The following CELA1 variants were observed in gnomAD, a reference collection of about 807,000 sequenced individuals.
The protein encoded by CELA1 is chymotrypsin like elastase 1.
CELA1 carries 28 observed loss-of-function variants against 34.8 expected under a neutral mutation model. The ratio of observed to expected loss-of-function variants is 0.80; its 90% confidence interval spans 0.60 to 1.10. The LOEUF (loss-of-function observed/expected upper bound fraction) is 1.10, where lower values mean the gene tolerates loss of function less well. Among genes scored for constraint, CELA1 ranks in the 50% least tolerant of loss-of-function variants. The pLI is 0.00. For missense variants in CELA1, 288 were observed against 327.5 expected, an observed-to-expected ratio of 0.88 and a Z score of 0.93; for synonymous variants, 140 against 129.8, an observed-to-expected ratio of 1.08 and a Z score of -0.53.
chr12:51,345,647 G>C (rs1946561130), intron 2 of CELA1, 148 bp downstream of exon 2: 1 of 711,456 alleles, frequency 1.4e-6, no homozygotes. Context: ...AACCACCTAA[G>C]CCTGATCCCA....
At chr12:51,342,857 C>G (rs905726316) in intron 3 of CELA1, among the ~76,000 whole-genome samples, 157 bp from the exon 4 acceptor site, 1 of 149,648 alleles carries the variant, frequency 6.7e-6, no homozygotes, top group African/African-American at 2.5e-5. Flanking sequence ...GTTGCCCAGG[C>G]TGGCTTCAAA....
intron 6 of CELA1, among the ~76,000 whole-genome samples, chr12:51,330,428 C>T (rs879841495): frequency 7.2e-5 from 11 of 152,106 alleles, no homozygotes; most frequent in Admixed American, 7.2e-4. Flanking sequence ...AATGCCAGGT[C>T]CATAATGCCA....
intron 4 of CELA1, 35 bp downstream of exon 4, chr12:51,342,540 C>A: frequency 1.2e-6 from 2 of 1,613,682 alleles, no homozygotes; most frequent in South Asian, 1.1e-5. Flanking sequence ...CAGGCCTCAC[C>A]GCCCAGCCCA....
intron 3 of CELA1, 148 bp from the exon 4 acceptor site, chr12:51,342,848 T>G: frequency 1.2e-6 from 1 of 868,812 alleles, no homozygotes; most frequent in Non-Finnish European, 1.7e-6. Flanking sequence ...TTTTGCTGTG[T>G]TGCCCAGGCT....
chr12:51,332,092 G>T (rs1946473358), intron 6 of CELA1, among the ~76,000 whole-genome samples: 1 of 151,870 alleles, frequency 6.6e-6, no homozygotes. Flanking sequence ...GATTGAGGTG[G>T]GAGGATTTCT....
In CELA1 at chr12:51,343,837, C is replaced by T. The variant is rs952965203; in HGVS notation, c.116G>A (p.Arg39Gln). The T allele has an allele frequency of 2.8e-5, 45 of 1,597,642 alleles. No homozygotes were observed. The highest frequency in any genetic ancestry group is 1.0e-4 in the Admixed American group (6 of 59,656). The change falls in exon 3 of 8, where the codon CGG becomes CAG. Residue 39 changes from arginine (R) to glutamine (Q), a missense_variant. Arg to Gln is a conservative substitution (Grantham distance 43). Transcript: ENST00000293636. ...SWPSQISLQY[R>Q]SGGSRYHTCG... ...GGTGTGATACCGGGAACCTCCAGAC[C>T]GGTACTGGAGGGAAATCTAGATGGG...
At chr12:51,341,096 G>T (rs1267863760) in intron 5 of CELA1, 148 bp downstream of exon 5, 4 of 722,258 alleles carry the variant, frequency 5.5e-6, no homozygotes, top group Non-Finnish European at 9.3e-6. Flanking sequence ...TTCTTAGCTT[G>T]ATATAATGCA....
rs1338625288 is a variant in CELA1, at chr12:51,339,993, A to G, written c.476T>C (p.Leu159Pro). 1.9e-6 allele frequency: 3 copies of G among 1,613,370 alleles called. No individual in the cohort carries two copies. The South Asian group carries it at 3.3e-5, about 18-fold the overall frequency. The change falls in exon 6 of 8, where the codon CTG (leucine) becomes CCG (proline). Residue 159 changes from leucine to proline, a missense_variant. Coordinates refer to ENST00000293636, the MANE Select transcript of CELA1 (RefSeq NM_001971.6). The part of the protein sequence containing the change: ...GWGKTKTNGQ[L>P]AQTLQQAYLP... ...GTAAGCCTGCTGCAGGGTCTGGGCC[A>G]GCTGCCCATTGGCTGAACAGGACAC...
chr12:51,330,114 CA>C (rs1423803566), intron 6 of CELA1, among the ~76,000 whole-genome samples: 3 of 152,170 alleles, frequency 2.0e-5, no homozygotes, highest in African/African-American at 7.2e-5. Flanking sequence ...CTTCCTGAGA[CA>C]AAAACTCTTA....
intron 7 of CELA1, among the ~76,000 whole-genome samples, chr12:51,329,176 C>T (rs1289069601): frequency 6.6e-6 from 1 of 151,300 alleles, no homozygotes; most frequent in African/African-American, 2.4e-5. Flanking sequence ...ATCACTTGAA[C>T]CCAGGAGGCA....
At chr12:51,342,457 G>A (rs973202008) in intron 4 of CELA1, 118 bp downstream of exon 4, 48 of 1,436,478 alleles carry the variant, frequency 3.3e-5, no homozygotes, top group Non-Finnish European at 4.1e-5. Flanking sequence ...AGGAGCCACG[G>A]ACCAGGTTTC....
intron 6 of CELA1, among the ~76,000 whole-genome samples, chr12:51,336,810 C>T (rs1202648417): frequency 1.3e-5 from 2 of 152,172 alleles, no homozygotes; most frequent in Non-Finnish European, 2.9e-5. Flanking sequence ...GCTGTTGTTC[C>T]AGATCCTCCT....
chr12:51,342,726 G>A (rs916994231), intron 3 of CELA1, 26 bp from the exon 4 acceptor site: 20 of 1,613,448 alleles, frequency 1.2e-5, no homozygotes, highest in Middle Eastern at 3.3e-4. Context: ...GAATCCCTGA[G>A]TCATCCAGGG....
chr12:51,330,569 T>C (rs1245689238), intron 6 of CELA1, among the ~76,000 whole-genome samples: 3 of 152,202 alleles, frequency 2.0e-5, no homozygotes, highest in Admixed American at 1.3e-4. Context: ...CCACTATTGA[T>C]GAACCCCATC....
intron 1 of CELA1, 58 bp from the exon 2 acceptor site, chr12:51,345,935 G>T: frequency 8.4e-7 from 1 of 1,191,784 alleles, no homozygotes; most frequent in Non-Finnish European, 1.2e-6. Flanking sequence ...CCAGGGGTAG[G>T]GGTGGGGGGT....
At chr12:51,340,364 A>G (rs977853028) in intron 5 of CELA1, among the ~76,000 whole-genome samples, 1 of 148,660 alleles carries the variant, frequency 6.7e-6, no homozygotes, top group Non-Finnish European at 1.5e-5. Context: ...GGGATTGTGC[A>G]TGCTTGTTTC....
Position 51,346,641 on chromosome 12 carries a change from T to A in CELA1, c.-3A>T. On this transcript the variant is annotated 5_prime_UTR_variant, in exon 1 of 8. Coordinates refer to ENST00000293636, the MANE Select transcript of CELA1 (RefSeq NM_001971.6). ...CACTTACCATAAAGGACCAGCATGT[T>A]GCCGATGGAGTAGACCACTGCCTTC... is the stretch of plus-strand genomic sequence containing the variant. 1 of 1,443,474 alleles carries A rather than the reference T, an allele frequency of 6.9e-7. No homozygotes were observed. The highest frequency in any genetic ancestry group is 9.4e-7 in the Non-Finnish European group (1 of 1,059,226). 89.4% of individuals were successfully genotyped at this position (1,443,474 alleles called of 1,614,324 possible). A position where few individuals can be genotyped will look rare whatever the true frequency, so the allele number is the denominator to read the frequency against.
At chr12:51,342,812 AT>A (rs5798169) in intron 3 of CELA1, 112 bp from the exon 4 acceptor site, 240,516 of 962,602 alleles carry the variant, frequency 0.25, 3,132 homozygotes, top group East Asian at 0.4. Context: ...TATTTAGGAA[AT>A]TTTTTTTTTT....
chr12:51,341,157 A>C, intron 5 of CELA1, 87 bp downstream of exon 5: 1 of 1,422,050 alleles, frequency 7.0e-7, no homozygotes, highest in Admixed American at 1.7e-5. Flanking sequence ...GGCCATAAGC[A>C]CCTAGGACCA....
Sources: allele counts gnomAD v4.1 joint callset (sites outside exome capture counted in the v4.1 genomes callset), GRCh38; gene constraint gnomAD v4.1.1; transcripts MANE v1.5; gene names NCBI Gene and HGNC (gene_info 2026-07-23, HGNC 2026-07-21).